CLSTN2: variants seen among roughly 807,000 people sequenced by gnomAD.
CLSTN2 encodes the protein calsyntenin 2, also known as calsyntenin-2.
A neutral mutation model predicts 101.2 loss-of-function variants in CLSTN2; 48 were observed. The observed-to-expected ratio is 0.47, with a 90% CI of 0.38 to 0.60. CLSTN2 has a LOEUF of 0.60. Ranked by LOEUF, CLSTN2 falls within the 20% of genes least tolerant of loss-of-function variation. The pLI, the probability that CLSTN2 is intolerant of heterozygous loss-of-function variation, is 0.00. For missense variants in CLSTN2, 1,160 were observed against 1,238.2 expected (o/e 0.94, Z 0.95); for synonymous variants, 481 against 463.6 (o/e 1.04, Z -0.48).
chr3:140,428,560 G>T (rs1397631677), intron 5 of CLSTN2, among the ~76,000 whole-genome samples: 22 of 152,070 alleles, frequency 1.4e-4, no homozygotes, highest in Admixed American at 1.4e-3. Flanking sequence ...AGCCCCCAAG[G>T]AGCCCTTCTT....
At chr3:140,328,488 A>C (rs898426946) in intron 2 of CLSTN2, among the ~76,000 whole-genome samples, 1 of 152,020 alleles carries the variant, frequency 6.6e-6, no homozygotes, top group Non-Finnish European at 1.5e-5. Context: ...ACTCCTCTTT[A>C]CCCTCGAGTT....
chr3:139,936,931 A>T (rs2330), intron 1 of CLSTN2, among the ~76,000 whole-genome samples: 1 of 152,070 alleles, frequency 6.6e-6, no homozygotes, highest in African/African-American at 2.4e-5. Flanking sequence ...ATGAGAGAAA[A>T]ACTCGTTATG....
chr3:140,449,959 G>T (rs906470538), intron 6 of CLSTN2: 14 of 152,328 alleles, frequency 9.2e-5, no homozygotes, highest in Admixed American at 7.9e-4. Context: ...GGACAGAGAG[G>T]GCTTGTTGTC....
At position 140,539,952 on chromosome 3, in the gene CLSTN2, T is replaced by A. The variant is rs2107783535; in HGVS notation, c.1508-6563T>A. Among the ~76,000 whole-genome samples, 5 of 151,870 alleles carry A rather than the reference T, an allele frequency of 3.3e-5. No individual in the cohort carries two copies. In the Middle Eastern group the frequency reaches 0.014, roughly 413 times the overall value. On this transcript the variant is annotated intron_variant, in intron 9 of 16. Transcript: ENST00000458420. ...CATTTTTCACACAGATTGAGCAGAG[T>A]CAATCTGAGGACTAAAGATTGACAG...
intron 1 of CLSTN2, among the ~76,000 whole-genome samples, chr3:139,942,398 C>T (rs1470586093): frequency 6.6e-6 from 1 of 152,118 alleles, no homozygotes; most frequent in Non-Finnish European, 1.5e-5. Context: ...GAAAGACTAT[C>T]CCAGCTGGCT....
intron 2 of CLSTN2, among the ~76,000 whole-genome samples, chr3:140,303,055 T>TG (rs1421600606): frequency 6.6e-6 from 1 of 152,116 alleles, no homozygotes; most frequent in African/African-American, 2.4e-5. Context: ...ACAATCTTGT[T>TG]GGGGATGCAT....
At chr3:140,558,447 C>G (rs1433196498) in intron 11 of CLSTN2, among the ~76,000 whole-genome samples, 193 bp from the exon 12 acceptor site, 1 of 152,220 alleles carries the variant, frequency 6.6e-6, no homozygotes, top group Non-Finnish European at 1.5e-5. Flanking sequence ...GCCAATCTTT[C>G]AAGTCCCTAG....
chr3:140,207,817 A>G (rs2010803209), intron 2 of CLSTN2, among the ~76,000 whole-genome samples: 2 of 152,224 alleles, frequency 1.3e-5, no homozygotes, highest in African/African-American at 2.4e-5. Flanking sequence ...CCAGCAGTTA[A>G]GAAGGCACCT....
chr3:140,201,765 AAATAACAGAC>A (rs1399505204), intron 2 of CLSTN2, among the ~76,000 whole-genome samples: 1 of 152,072 alleles, frequency 6.6e-6, no homozygotes, highest in African/African-American at 2.4e-5. Context: ...CACGGACAAT[AAATAACAGAC>A]ATAGCAAATT....
At chr3:140,139,606 A>T (rs1312712440) in intron 1 of CLSTN2, among the ~76,000 whole-genome samples, 1 of 152,188 alleles carries the variant, frequency 6.6e-6, no homozygotes, top group African/African-American at 2.4e-5. Context: ...GCTGGTTCCA[A>T]TGTGCAGCCA....
chr3:140,177,377 T>C (rs760301422), intron 2 of CLSTN2, among the ~76,000 whole-genome samples: 21 of 152,350 alleles, frequency 1.4e-4, no homozygotes, highest in Non-Finnish European at 2.6e-4. Context: ...CATCTCTTTC[T>C]TGGACATAGC....
At chr3:140,448,781 C>A in intron 6 of CLSTN2, 77 bp downstream of exon 6, 1 of 1,291,522 alleles carries the variant, frequency 7.7e-7, no homozygotes, top group Non-Finnish European at 1.1e-6. Flanking sequence ...ATCTTATTGT[C>A]TTAGGCAAGA....
intron 1 of CLSTN2, among the ~76,000 whole-genome samples, chr3:139,981,658 C>A (rs1428325120): frequency 6.6e-6 from 1 of 152,142 alleles, no homozygotes; most frequent in South Asian, 2.1e-4. Context: ...AAACTGTGTC[C>A]CTGCATTTGC....
intron 1 of CLSTN2, among the ~76,000 whole-genome samples, chr3:140,169,906 C>T (rs184739593): frequency 1.5e-4 from 23 of 152,192 alleles, no homozygotes; most frequent in Non-Finnish European, 2.5e-4. Flanking sequence ...TACATCATTT[C>T]ATGCAATTTT....
intron 1 of CLSTN2, among the ~76,000 whole-genome samples, chr3:140,001,258 C>T (rs2006830544): frequency 6.6e-6 from 1 of 152,066 alleles, no homozygotes; most frequent in African/African-American, 2.4e-5. Context: ...GTGCTCTTCT[C>T]TTCTCCTCCC....
At position 140,500,325 on chromosome 3, in the gene CLSTN2, T is replaced by C. The variant is rs191982671; in HGVS notation, c.1345-31999T>C. 1.6e-3 allele frequency among the ~76,000 whole-genome samples: 247 copies of C among 152,248 alleles called. 1 individual carries two copies. Among genetic ancestry groups the C allele is most frequent in the African/African-American group, 4.9e-3 (204 of 41,554 alleles). On this transcript the variant is annotated intron_variant, in intron 8 of 16. Transcript: ENST00000458420. ...AGATCCAGAAAATATCTGGGTAATA[T>C]ATAGGACCCAGAAAGAAAGACTTAC...
intron 2 of CLSTN2, among the ~76,000 whole-genome samples, chr3:140,349,295 C>T (rs1265557670): frequency 6.6e-6 from 1 of 152,178 alleles, no homozygotes; most frequent in Non-Finnish European, 1.5e-5. Flanking sequence ...GTTTTTATAG[C>T]AGCGTGAGAA....
intron 1 of CLSTN2, among the ~76,000 whole-genome samples, chr3:140,171,747 A>T (rs1350240900): frequency 1.8e-5 from 2 of 108,108 alleles, no homozygotes; most frequent in African/African-American, 7.3e-5. Context: ...ATTAATATAT[A>T]ATATGTATAA....
At chr3:140,359,299 G>C (rs113529286) in intron 2 of CLSTN2, among the ~76,000 whole-genome samples, 6 of 152,136 alleles carry the variant, frequency 3.9e-5, no homozygotes, top group African/African-American at 1.4e-4. Context: ...CAAAAACGTT[G>C]GAACTTCTCA....
Sources: gnomAD v4.1 joint callset for allele counts (sites outside exome capture counted in the v4.1 genomes callset) on GRCh38, gnomAD v4.1.1 for gene constraint, MANE v1.5 for transcripts, NCBI Gene and HGNC (gene_info 2026-07-23, HGNC 2026-07-21) for gene names.